PTPRN2: variants seen among roughly 807,000 people sequenced by gnomAD.
PTPRN2 encodes receptor-type tyrosine-protein phosphatase N2.
In PTPRN2, 74 loss-of-function variants were observed where a neutral mutation model predicts 118.8. The ratio of observed to expected loss-of-function variants is 0.62; its 90% CI spans 0.52 to 0.76. The LOEUF (loss-of-function observed/expected upper bound fraction) is 0.76. Ranked by LOEUF, PTPRN2 falls within the 30% of genes least tolerant of loss-of-function variation. PTPRN2 has a pLI of 0.00. For synonymous variants in PTPRN2, 641 were observed against 608.0 expected (o/e 1.05, Z -0.80); for missense variants, 1,481 against 1,394.4 (o/e 1.06, Z -0.99).
chr7:157,976,507 G>A (rs566538485), intron 11 of PTPRN2, among the ~76,000 whole-genome samples: 17 of 151,516 alleles, frequency 1.1e-4, no homozygotes, highest in African/African-American at 3.1e-4. Flanking sequence ...CCAGGTTCTC[G>A]CCCACTCTGC....
At chr7:158,417,377 G>A (rs113357576) in intron 2 of PTPRN2, among the ~76,000 whole-genome samples, 3,841 of 150,498 alleles carry the variant, frequency 0.026, 225 homozygotes, top group African/African-American at 0.088. Context: ...GTACTACATC[G>A]AGATGCTGTA....
At chr7:158,345,376 G>A (rs765515436) in intron 2 of PTPRN2, among the ~76,000 whole-genome samples, 4 of 152,304 alleles carry the variant, frequency 2.6e-5, no homozygotes, top group South Asian at 4.1e-4. Context: ...TGGAGACAGC[G>A]TGTTCTTATA....
intron 1 of PTPRN2, among the ~76,000 whole-genome samples, chr7:158,586,135 C>T (rs1217971436): frequency 2.0e-5 from 3 of 152,204 alleles, no homozygotes; most frequent in Admixed American, 2.0e-4. Flanking sequence ...CCTCCCAGGA[C>T]TCCAAGGCAG....
intron 11 of PTPRN2, among the ~76,000 whole-genome samples, chr7:157,996,503 C>T (rs1009112697): frequency 6.6e-6 from 1 of 152,222 alleles, no homozygotes; most frequent in Non-Finnish European, 1.5e-5. Flanking sequence ...GAGCTTTGGT[C>T]TCTCACACGG....
Position 157,976,764 on chromosome 7 carries a change from C to T in PTPRN2, c.1724-78027G>A, listed in dbSNP as rs555773549. Among the ~76,000 whole-genome samples the T allele has an allele frequency of 1.1e-4, 17 of 152,002 alleles. No individual in the cohort carries two copies. The South Asian group carries it at 2.7e-3, about 24-fold the overall frequency. ...ACACTCTTCAAACTGTAATTCATCA[C>T]AAAACTAAGTAATATTTTGTTTTTA... On this transcript the variant is annotated intron_variant, in intron 11 of 22. Coordinates refer to ENST00000389418, the MANE Select transcript of PTPRN2 (RefSeq NM_002847.5).
chr7:157,944,049 C>G lies in PTPRN2; in HGVS notation c.1724-45312G>C, dbSNP rs900891273. On this transcript the variant is annotated intron_variant, in intron 11 of 22. Transcript: ENST00000389418. The surrounding 1 kb of genome is among the most constrained non-coding windows in gnomAD (Gnocchi z 4.3). ...TTTTAAACCAATGTTTCTAAGGGAG[C>G]ACTGGGCTTCATTTGACATTTCCAG... 2.0e-5 allele frequency among the ~76,000 whole-genome samples: 3 copies of G among 152,218 alleles called. No homozygotes were observed. The highest frequency in any genetic ancestry group is 7.2e-5 in the African/African-American group (3 of 41,442).
intron 12 of PTPRN2, among the ~76,000 whole-genome samples, chr7:157,685,275 G>A (rs920497063): frequency 6.6e-6 from 1 of 151,924 alleles, no homozygotes; most frequent in Non-Finnish European, 1.5e-5. Flanking sequence ...CCCCGGCGTC[G>A]GGAGGACACC....
chr7:158,017,729 G>T (rs1472452459), intron 11 of PTPRN2, among the ~76,000 whole-genome samples: 1 of 152,100 alleles, frequency 6.6e-6, no homozygotes, highest in African/African-American at 2.4e-5. Flanking sequence ...TGCTACAAAG[G>T]AGGAGCACCC....
At chr7:157,945,638 G>A (rs963424255) in intron 11 of PTPRN2, among the ~76,000 whole-genome samples, 5 of 151,450 alleles carry the variant, frequency 3.3e-5, no homozygotes, top group Admixed American at 6.6e-5. Context: ...GGACGATGCC[G>A]CCTCCAAGTC....
intron 10 of PTPRN2, among the ~76,000 whole-genome samples, chr7:158,107,110 G>A (rs555945828): frequency 6.6e-6 from 1 of 152,158 alleles, no homozygotes; most frequent in African/African-American, 2.4e-5. Flanking sequence ...ACACCTAAGG[G>A]TCCACGTGCC....
intron 6 of PTPRN2, among the ~76,000 whole-genome samples, chr7:158,149,710 A>T (rs1006552981): frequency 6.6e-6 from 1 of 151,984 alleles, no homozygotes; most frequent in African/African-American, 2.4e-5. Context: ...AGGCTAAGGC[A>T]GGAGAATTGC....
intron 12 of PTPRN2, among the ~76,000 whole-genome samples, chr7:157,743,236 T>C (rs1800736289): frequency 2.0e-5 from 3 of 152,122 alleles, no homozygotes; most frequent in Non-Finnish European, 4.4e-5. Context: ...TCAGCAAAGG[T>C]CAGAGACTTA....
At chr7:157,686,611 T>C (rs536592384) in intron 12 of PTPRN2, among the ~76,000 whole-genome samples, 12 of 152,320 alleles carry the variant, frequency 7.9e-5, no homozygotes, top group African/African-American at 2.9e-4. Flanking sequence ...CCAGACTAAT[T>C]AGAGGCATCT....
intron 11 of PTPRN2, among the ~76,000 whole-genome samples, chr7:157,914,282 G>C (rs1173874998): frequency 6.6e-6 from 1 of 152,130 alleles, no homozygotes; most frequent in East Asian, 1.9e-4. Flanking sequence ...CAACTTCACT[G>C]TCAGGAATCG....
At chr7:158,575,742 T>C (rs902873336) in intron 1 of PTPRN2, among the ~76,000 whole-genome samples, 5 of 152,200 alleles carry the variant, frequency 3.3e-5, no homozygotes, top group African/African-American at 1.2e-4. Flanking sequence ...TATCCAAATT[T>C]TTCACACAGT....
At chr7:157,756,169 G>A (rs1358639432) in intron 12 of PTPRN2, among the ~76,000 whole-genome samples, 1 of 152,240 alleles carries the variant, frequency 6.6e-6, no homozygotes, top group Non-Finnish European at 1.5e-5. Context: ...GTGTTTTTAA[G>A]TGGAATTATC....
chr7:158,142,656 C>T (rs1396559542), intron 6 of PTPRN2, among the ~76,000 whole-genome samples: 1 of 152,220 alleles, frequency 6.6e-6, no homozygotes, highest in Non-Finnish European at 1.5e-5. Context: ...ACACATCAGC[C>T]CTCACCATGC....
At chr7:158,575,990 C>T (rs1289593284) in intron 1 of PTPRN2, among the ~76,000 whole-genome samples, 2 of 152,094 alleles carry the variant, frequency 1.3e-5, no homozygotes, top group South Asian at 4.1e-4. Flanking sequence ...GATCAAAATG[C>T]TTCCTTCTTG....
At chr7:158,554,806 T>A (rs1826870334) in intron 1 of PTPRN2, among the ~76,000 whole-genome samples, 1 of 151,778 alleles carries the variant, frequency 6.6e-6, no homozygotes, top group African/African-American at 2.4e-5. Flanking sequence ...GCACAGCCCC[T>A]CCATGGGCTG....
Sources: allele counts gnomAD v4.1 joint callset (sites outside exome capture counted in the v4.1 genomes callset), GRCh38; gene constraint gnomAD v4.1.1; non-coding constraint Gnocchi (gnomAD v3.1); transcripts MANE v1.5; gene names NCBI Gene and HGNC (gene_info 2026-07-23, HGNC 2026-07-21).